Variants in KCNQ5 observed in about 807,000 individuals in gnomAD.
KCNQ5 encodes the protein potassium voltage-gated channel subfamily Q member 5, also known as potassium voltage-gated channel subfamily KQT member 5.
A neutral mutation model predicts 98.2 loss-of-function variants in KCNQ5; 30 were observed. The ratio of observed to expected loss-of-function variants is 0.31; its 90% CI spans 0.23 to 0.41. The LOEUF is 0.41. KCNQ5 is among the 10% of genes least tolerant of loss of function. KCNQ5 has a pLI of 1.00. For missense variants in KCNQ5, 835 were observed against 1,182.5 expected, an observed-to-expected ratio of 0.71 and a Z score of 4.31; for synonymous variants, 458 against 449.4, an observed-to-expected ratio of 1.02 and a Z score of -0.24.
At chr6:72,869,971 C>A (rs1778139160) in intron 1 of KCNQ5, among the ~76,000 whole-genome samples, 1 of 152,152 alleles carries the variant, frequency 6.6e-6, no homozygotes, top group Non-Finnish European at 1.5e-5. Context: ...TCAAAATATT[C>A]CCTTGCCAAA....
chr6:72,945,284 G>T (rs895673696), intron 1 of KCNQ5, among the ~76,000 whole-genome samples: 6 of 151,470 alleles, frequency 4.0e-5, no homozygotes, highest in African/African-American at 1.5e-4. Context: ...TTAAGTTTTA[G>T]GGTACATGTG....
At chr6:72,783,652 G>A (rs1252923446) in intron 1 of KCNQ5, among the ~76,000 whole-genome samples, 3 of 152,110 alleles carry the variant, frequency 2.0e-5, no homozygotes. Flanking sequence ...TAGAAAGAAG[G>A]CAGAGCATAT....
chr6:73,053,946 G>A (rs1385098305), intron 3 of KCNQ5, among the ~76,000 whole-genome samples: 1 of 151,928 alleles, frequency 6.6e-6, no homozygotes, highest in Admixed American at 6.6e-5. Flanking sequence ...TAGATAAAAT[G>A]CTAGCTAGAC....
chr6:73,091,333 G>A (rs1774238739), intron 5 of KCNQ5, among the ~76,000 whole-genome samples: 1 of 152,048 alleles, frequency 6.6e-6, no homozygotes, highest in Non-Finnish European at 1.5e-5. Flanking sequence ...GGGTTAGGGG[G>A]CTGGGGGAGG....
At chr6:72,809,532 A>T (rs1406378028) in intron 1 of KCNQ5, among the ~76,000 whole-genome samples, 1 of 151,608 alleles carries the variant, frequency 6.6e-6, no homozygotes, top group Non-Finnish European at 1.5e-5. Flanking sequence ...AGCCTGGGTG[A>T]TGGAGTGAGA....
chr6:72,722,521 T>C (rs1381756910), intron 1 of KCNQ5, among the ~76,000 whole-genome samples: 1 of 152,194 alleles, frequency 6.6e-6, no homozygotes, highest in African/African-American at 2.4e-5. Context: ...TTTCTTAGAC[T>C]CTCCAAATCT....
chr6:72,738,071 C>T (rs1056167462), intron 1 of KCNQ5, among the ~76,000 whole-genome samples: 13 of 152,068 alleles, frequency 8.5e-5, no homozygotes, highest in African/African-American at 2.7e-4. Context: ...AGGAGAATGG[C>T]GTGAACCCAC....
intron 1 of KCNQ5, among the ~76,000 whole-genome samples, chr6:72,913,993 T>C (rs1008040984): frequency 2.0e-5 from 3 of 152,328 alleles, no homozygotes; most frequent in Middle Eastern, 3.4e-3. Flanking sequence ...AAGATAAGGA[T>C]GTTCCTTTCC....
intron 1 of KCNQ5, among the ~76,000 whole-genome samples, chr6:72,846,436 C>G (rs1307730530): frequency 6.6e-6 from 1 of 151,828 alleles, no homozygotes; most frequent in Non-Finnish European, 1.5e-5. Context: ...GTAATCCCAA[C>G]ATTGAGGTGG....
intron 11 of KCNQ5, among the ~76,000 whole-genome samples, chr6:73,179,809 G>A (rs549054194): frequency 6.6e-6 from 1 of 152,242 alleles, no homozygotes; most frequent in East Asian, 1.9e-4. Context: ...CCCCTCTTCT[G>A]CATTCCCATA....
intron 2 of KCNQ5, among the ~76,000 whole-genome samples, chr6:73,014,503 G>A (rs1770227183): frequency 6.6e-6 from 1 of 152,022 alleles, no homozygotes; most frequent in Non-Finnish European, 1.5e-5. Flanking sequence ...GCATCTGGAT[G>A]AGTACTCTAT....
At chr6:73,012,761 T>C (rs1353122743) in intron 2 of KCNQ5, among the ~76,000 whole-genome samples, 1 of 152,016 alleles carries the variant, frequency 6.6e-6, no homozygotes, top group South Asian at 2.1e-4. Flanking sequence ...CAAACCACCA[T>C]GGCACACATT....
intron 1 of KCNQ5, among the ~76,000 whole-genome samples, chr6:72,906,577 T>C (rs548502084): frequency 2.0e-5 from 3 of 152,370 alleles, no homozygotes; most frequent in Admixed American, 1.3e-4. Flanking sequence ...CCTTTCCCGC[T>C]GCTTCCTCTA....
chr6:73,175,115 C>G (rs1778162254), intron 11 of KCNQ5, among the ~76,000 whole-genome samples: 1 of 152,118 alleles, frequency 6.6e-6, no homozygotes, highest in Non-Finnish European at 1.5e-5. Flanking sequence ...GTTACCTTCC[C>G]ACTACCTGGA....
intron 5 of KCNQ5, among the ~76,000 whole-genome samples, chr6:73,082,104 T>C (rs1773800974): frequency 6.6e-6 from 1 of 152,200 alleles, no homozygotes; most frequent in Non-Finnish European, 1.5e-5. Context: ...AAATAAATGG[T>C]CCAGCTGAAG....
chr6:72,877,222 C>T (rs931059057), intron 1 of KCNQ5, among the ~76,000 whole-genome samples: 5 of 151,942 alleles, frequency 3.3e-5, no homozygotes, highest in African/African-American at 1.2e-4. Context: ...CTTGCCCCGA[C>T]CCCCCCGACA....
At chr6:73,184,527 T>C (rs949506494) in intron 11 of KCNQ5, among the ~76,000 whole-genome samples, 1 of 152,210 alleles carries the variant, frequency 6.6e-6, no homozygotes, top group Non-Finnish European at 1.5e-5. Flanking sequence ...CAAATCCTCA[T>C]TTATTTCTTC....
rs1776583430 is a variant in KCNQ5, at chr6:72,837,937, T to C, written c.399-165971T>C. Among the ~76,000 whole-genome samples, 6 of 152,252 alleles carry C rather than the reference T, an allele frequency of 3.9e-5. 1 individual carries two copies. In the South Asian group the frequency reaches 1.2e-3, roughly 32 times the overall value. ...ATGTTATGGACACCAAGTTATTTTT[T>C]TTTTGGATTCTTCATCCTTTTTTTT... On this transcript the variant is annotated intron_variant, in intron 1 of 13. Transcript: ENST00000370398.
intron 12 of KCNQ5, among the ~76,000 whole-genome samples, chr6:73,191,366 A>G (rs972897122): frequency 3.3e-5 from 5 of 152,172 alleles, no homozygotes; most frequent in Non-Finnish European, 5.9e-5. Context: ...TTCTACAAAT[A>G]TACTATCCTC....
Sources: allele counts gnomAD v4.1 joint callset (sites outside exome capture counted in the v4.1 genomes callset), GRCh38; gene constraint gnomAD v4.1.1; transcripts MANE v1.5; gene names NCBI Gene and HGNC (gene_info 2026-07-23, HGNC 2026-07-21).